The following FBRSL1 variants were observed in gnomAD, a reference collection of about 807,000 sequenced individuals.
FBRSL1 encodes fibrosin-1-like protein.
A neutral mutation model predicts 89.6 loss-of-function variants in FBRSL1; 51 were observed. The observed-to-expected ratio is 0.57, with a 90% CI of 0.45 to 0.72. The LOEUF (loss-of-function observed/expected upper bound fraction) is 0.72, where lower values mean the gene tolerates loss of function less well. Ranked by LOEUF, FBRSL1 falls within the 30% of genes least tolerant of loss-of-function variation. FBRSL1 has a pLI of 0.00. For missense variants in FBRSL1, 1,618 were observed against 1,451.8 expected (o/e 1.11, Z -1.86); for synonymous variants, 779 against 681.1 (o/e 1.14, Z -2.24).
Position 132,570,047 on chromosome 12 carries a change from C to T in FBRSL1, c.813C>T (p.Ala271=), listed in dbSNP as rs1425207639. Residue 271 remains alanine, a synonymous_variant, in exon 7 of 19, where the codon GCC becomes GCT. Transcript: ENST00000680143. Reference sequence around the variant, plus strand: ...CCACTGCCAGCCCCGCGCCCCATGCCGCGCCCTGCCCGGGGCCCCCGCCCG... The same window carrying T: ...CCACTGCCAGCCCCGCGCCCCATGCTGCGCCCTGCCCGGGGCCCCCGCCCG... ...FLPTASPAPH[A]APCPGPPPGS... is the part of the protein sequence containing the mutation. 84 of 1,505,660 alleles carry T rather than the reference C, an allele frequency of 5.6e-5. 1 individual carries two copies. The highest frequency in any genetic ancestry group is 5.9e-5 in the Non-Finnish European group (67 of 1,134,016). 93.3% of individuals were successfully genotyped at this position (1,505,660 alleles called of 1,614,324 possible). A position where few individuals can be genotyped will look rare whatever the true frequency, so the allele number is the denominator to read the frequency against.
Position 132,572,428 on chromosome 12 carries a change from T to TGGCCTCGCCC in FBRSL1, c.1434+85_1435-89dup, listed in dbSNP as rs2040094168. The TGGCCTCGCCC allele has an allele frequency of 1.4e-5, 21 of 1,511,234 alleles. No homozygotes were observed. The South Asian group carries it at 2.4e-4, about 17-fold the overall frequency. The allele number at this position is 1,511,234 out of a possible 1,614,324, so 93.6% of individuals were successfully genotyped here. A position where few individuals can be genotyped will look rare whatever the true frequency, so the allele number is the denominator to read the frequency against. On this transcript the variant is annotated intron_variant, in intron 10 of 18. Coordinates refer to ENST00000680143, the MANE Select transcript of FBRSL1 (RefSeq NM_001367871.1). ...GCGGTGGGTGGGGCTGCCCCTCGCC[T>TGGCCTCGCCC]GGCCTCGCCCCTGCTGCATTGGTGC...
rs1391168652 is a variant in FBRSL1, at chr12:132,572,043, G to T, written c.1378-245G>T. The T allele has an allele frequency of 8.8e-6, 5 of 565,732 alleles. No homozygotes were observed. In the East Asian group the frequency reaches 1.2e-4, roughly 13 times the overall value. 35.0% of individuals were successfully genotyped at this position (565,732 alleles called of 1,614,324 possible). ...CTCAGCCAGGCACACAGACTGCCTGGGGGGGCCGAGTTCCCACCCCATGCA... is the reference window on the plus strand; with the variant it reads ...CTCAGCCAGGCACACAGACTGCCTGTGGGGGCCGAGTTCCCACCCCATGCA... On this transcript the variant is annotated intron_variant, in intron 9 of 18. Coordinates refer to ENST00000680143, the MANE Select transcript of FBRSL1 (RefSeq NM_001367871.1).
At chr12:132,507,132 C>T (rs2033785331) in intron 1 of FBRSL1, 2 of 948,504 alleles carry the variant, frequency 2.1e-6, no homozygotes, top group African/African-American at 3.5e-5. Flanking sequence ...GGCGGGTCCT[C>T]CTCGGGGACA....
At chr12:132,567,104 G>A (rs1470528959) in intron 5 of FBRSL1, among the ~76,000 whole-genome samples, 1 of 152,222 alleles carries the variant, frequency 6.6e-6, no homozygotes, top group African/African-American at 2.4e-5. Flanking sequence ...TGGGGGCCCA[G>A]CAGGGCCCAC....
chr12:132,582,764 G>A (rs1029421957), intron 18 of FBRSL1, among the ~76,000 whole-genome samples: 1 of 152,104 alleles, frequency 6.6e-6, no homozygotes, highest in Admixed American at 6.5e-5. Flanking sequence ...TCCCGCTTCC[G>A]TCTCCCGGCC....
intron 15 of FBRSL1, among the ~76,000 whole-genome samples, chr12:132,578,198 G>A (rs2040498997): frequency 5.3e-5 from 8 of 152,202 alleles, no homozygotes; most frequent in Admixed American, 4.6e-4. Flanking sequence ...GGCAGACCAT[G>A]ACCAGGCGTG....
At chr12:132,557,337 C>T (rs533752135) in intron 5 of FBRSL1, among the ~76,000 whole-genome samples, 19 of 152,344 alleles carry the variant, frequency 1.2e-4, no homozygotes, top group Admixed American at 4.6e-4. Flanking sequence ...TTTCTTCCCC[C>T]GGATAATCTA....
At position 132,581,089 on chromosome 12, in the gene FBRSL1, A is replaced by C. The variant is rs1266688640; in HGVS notation, c.1835-350A>C. 3 of 985,346 alleles carry C rather than the reference A, an allele frequency of 3.0e-6. No individual in the cohort carries two copies. In the African/African-American group the frequency reaches 5.2e-5, roughly 17 times the overall value. 61.0% of individuals were successfully genotyped at this position (985,346 alleles called of 1,614,324 possible). ...TCAGCTCCCAGGTGAAAGCTCTGAG[A>C]TAAAGGCTTCAGGAGTGGTCCGATC... On this transcript the variant is annotated intron_variant, in intron 15 of 18. Transcript: ENST00000680143.
Position 132,543,321 on chromosome 12 carries a change from C to T in FBRSL1, c.616-4682C>T, listed in dbSNP as rs368354261. 9.8e-5 allele frequency among the ~76,000 whole-genome samples: 15 copies of T among 152,320 alleles called. No individual in the cohort carries two copies. The East Asian group carries it at 1.9e-3, about 20-fold the overall frequency. The stretch of plus-strand genomic sequence containing the variant: ...CCTTTGCCACGGTGTCCAGTGTCCA[C>T]GAAGCAGTGGGGCCAGGACCTGCCC... On this transcript the variant is annotated intron_variant, in intron 4 of 18. Transcript: ENST00000680143.
chr12:132,536,638 TGA>T (rs934204549), intron 4 of FBRSL1, among the ~76,000 whole-genome samples: 20 of 151,492 alleles, frequency 1.3e-4, no homozygotes, highest in African/African-American at 4.6e-4. Flanking sequence ...CATGATGGTG[TGA>T]GTGCACGTGT....
chr12:132,538,632 G>A lies in FBRSL1; in HGVS notation c.616-9371G>A, dbSNP rs1031429267. 5.9e-5 allele frequency among the ~76,000 whole-genome samples: 9 copies of A among 152,222 alleles called. No individual in the cohort carries two copies. The East Asian group carries it at 1.7e-3, about 29-fold the overall frequency. ...ATGGGGCCTTGGCACTGTGGGGAGGGTGCACAGGCAAGTCCGGCTCTGGCG... is the reference window on the plus strand; with the variant it reads ...ATGGGGCCTTGGCACTGTGGGGAGGATGCACAGGCAAGTCCGGCTCTGGCG... On this transcript the variant is annotated intron_variant, in intron 4 of 18. Coordinates refer to ENST00000680143, the MANE Select transcript of FBRSL1 (RefSeq NM_001367871.1).
chr12:132,556,229 C>T (rs2038623175), intron 5 of FBRSL1, among the ~76,000 whole-genome samples: 2 of 152,180 alleles, frequency 1.3e-5, no homozygotes, highest in Non-Finnish European at 2.9e-5. Context: ...CCGGGCTCCC[C>T]CTGATGCTGC....
At chr12:132,567,912 G>C (rs920812758) in intron 6 of FBRSL1, among the ~76,000 whole-genome samples, 1 of 152,182 alleles carries the variant, frequency 6.6e-6, no homozygotes, top group Non-Finnish European at 1.5e-5. Context: ...CACTTCCCTG[G>C]CTCTGCTGCC....
At chr12:132,576,721 G>C in intron 14 of FBRSL1, 78 bp from the exon 15 acceptor site, 1 of 1,478,952 alleles carries the variant, frequency 6.8e-7, no homozygotes, top group Non-Finnish European at 9.1e-7. Flanking sequence ...CCCAGTCCCT[G>C]TGGCCCCTCA....
At chr12:132,549,627 C>T (rs944236287) in intron 5 of FBRSL1, among the ~76,000 whole-genome samples, 5 of 152,186 alleles carry the variant, frequency 3.3e-5, no homozygotes, top group Admixed American at 6.5e-5. Flanking sequence ...CTACTGGGGG[C>T]TCCCTCTCCC....
intron 4 of FBRSL1, among the ~76,000 whole-genome samples, chr12:132,545,313 C>T (rs1490189172): frequency 1.3e-5 from 2 of 152,216 alleles, no homozygotes; most frequent in South Asian, 2.1e-4. Flanking sequence ...GGGCAGCTTC[C>T]GAGAGGTGGA....
At position 132,508,215 on chromosome 12, in the gene FBRSL1, G is replaced by A. The variant is rs959786681; in HGVS notation, c.354G>A (p.Lys118=). 2.6e-6 allele frequency: 4 copies of A among 1,551,098 alleles called. No individual in the cohort carries two copies. In the African/African-American group the frequency reaches 4.1e-5, roughly 16 times the overall value. Residue 118 remains lysine (K), a synonymous_variant, in exon 2 of 19, where the codon AAG becomes AAA. Transcript: ENST00000680143. ...KEKWERRLIK[K]PRESETCPPA... ...AGTGGGAGCGTCGTCTCATCAAGAA[G>A]CCCCGGGAGTCGGAAACCTGCCCCC...
rs527279388 is a variant in FBRSL1 at position 132,499,624 on chromosome 12, G to A, written c.292-8529G>A. Among the ~76,000 whole-genome samples, 15 of 152,126 alleles carry A rather than the reference G, an allele frequency of 9.9e-5. No homozygotes were observed. Among genetic ancestry groups the A allele is most frequent in the South Asian group, 4.2e-4 (2 of 4,792 alleles). ...GTGGCGTGGCGGTTCCCGAGAGCCC[G>A]TCAGGAAGGGCACATGTAGCAGGTG... On this transcript the variant is annotated intron_variant, in intron 1 of 18. Coordinates refer to ENST00000680143, the MANE Select transcript of FBRSL1 (RefSeq NM_001367871.1). This position sits in a 1 kb window ranked among gnomAD's most constrained non-coding sequence, Gnocchi z 4.3.
chr12:132,541,839 G>GC, intron 4 of FBRSL1, among the ~76,000 whole-genome samples: 1 of 152,354 alleles, frequency 6.6e-6, no homozygotes, highest in Non-Finnish European at 1.5e-5. Flanking sequence ...GGTCCCACAG[G>GC]GCAGGGCACG....
Sources: allele counts gnomAD v4.1 joint callset (sites outside exome capture counted in the v4.1 genomes callset), GRCh38; gene constraint gnomAD v4.1.1; non-coding constraint Gnocchi (gnomAD v3.1); transcripts MANE v1.5; gene names NCBI Gene and HGNC (gene_info 2026-07-23, HGNC 2026-07-21).